The following CDH20 variants were observed in gnomAD, a reference collection of about 807,000 sequenced individuals.
The protein encoded by CDH20 is cadherin 20.
Under a neutral mutation model 74.2 loss-of-function variants are expected in CDH20, and 29 were observed. That is an observed-to-expected ratio of 0.39 (90% CI 0.29 to 0.53). The LOEUF (loss-of-function observed/expected upper bound fraction) is 0.53. Among genes scored for constraint, CDH20 ranks in the 20% least tolerant of loss-of-function variants. The pLI is 0.69. For synonymous variants in CDH20, 469 were observed against 405.4 expected, an observed-to-expected ratio of 1.16 and a Z score of -1.88; for missense variants, 988 against 1,048.3, an observed-to-expected ratio of 0.94 and a Z score of 0.79.
intron 1 of CDH20, among the ~76,000 whole-genome samples, chr18:61,359,301 C>T (rs564693625): frequency 9.2e-5 from 14 of 151,424 alleles, no homozygotes; most frequent in Non-Finnish European, 7.4e-5. Context: ...ATGCTTAAAT[C>T]TTCTAAAGAT....
chr18:61,453,473 G>T (rs1909466063), intron 1 of CDH20, among the ~76,000 whole-genome samples: 1 of 152,078 alleles, frequency 6.6e-6, no homozygotes, highest in Non-Finnish European at 1.5e-5. Context: ...TAGAGATGGG[G>T]TTTCACCATG....
chr18:61,375,780 T>C (rs1055081697), intron 1 of CDH20, among the ~76,000 whole-genome samples: 6 of 152,088 alleles, frequency 3.9e-5, no homozygotes, highest in African/African-American at 1.4e-4. Flanking sequence ...CTTAAATTTT[T>C]TTTCTCACTT....
intron 1 of CDH20, among the ~76,000 whole-genome samples, chr18:61,372,269 T>C (rs1911069199): frequency 1.3e-5 from 2 of 152,124 alleles, no homozygotes; most frequent in African/African-American, 4.8e-5. Context: ...TTTCATTTTG[T>C]CCTAAATTTC....
Position 61,548,705 on chromosome 18 carries a change from G to A in CDH20, c.1649-1273G>A, listed in dbSNP as rs114892408. The stretch of plus-strand genomic sequence containing the variant: ...TGAGCTCAGCGTCCCAGGCCGCCCC[G>A]CTCTGCATCTCACACCCTGTGGTTC... On this transcript the variant is annotated intron_variant, in intron 10 of 11. Coordinates refer to ENST00000262717, the MANE Select transcript of CDH20 (RefSeq NM_031891.4). Among the ~76,000 whole-genome samples the A allele has an allele frequency of 1.0e-2, 1,519 of 152,234 alleles. 31 individuals are homozygous for A. Among genetic ancestry groups the A allele is most frequent in the African/African-American group, 0.034 (1,432 of 41,554 alleles).
chr18:61,402,454 G>C (rs1372751778), intron 1 of CDH20, among the ~76,000 whole-genome samples: 2 of 152,120 alleles, frequency 1.3e-5, no homozygotes, highest in Non-Finnish European at 2.9e-5. Context: ...AAAGGAAATT[G>C]ACTAGCAAAA....
intron 1 of CDH20, among the ~76,000 whole-genome samples, chr18:61,484,150 AT>A (rs575178221): frequency 1.1e-3 from 175 of 152,370 alleles, no homozygotes; most frequent in African/African-American, 4.1e-3. Context: ...TGTTAGCCAC[AT>A]AATTTCATTT....
chr18:61,396,333 G>A (rs557426974), intron 1 of CDH20, among the ~76,000 whole-genome samples: 1 of 152,186 alleles, frequency 6.6e-6, no homozygotes, highest in South Asian at 2.1e-4. Context: ...TATTCTTTTG[G>A]AAATCAATAA....
chr18:61,369,725 T>A (rs555644083), intron 1 of CDH20, among the ~76,000 whole-genome samples: 1 of 152,232 alleles, frequency 6.6e-6, no homozygotes, highest in South Asian at 2.1e-4. Context: ...CATGAAATAC[T>A]ATGCCATAAA....
intron 2 of CDH20, among the ~76,000 whole-genome samples, chr18:61,496,802 A>G (rs115618030): frequency 0.017 from 2,558 of 152,226 alleles, 78 homozygotes; most frequent in African/African-American, 0.058. Flanking sequence ...CCTAAATTAA[A>G]CCAATTTCAT....
chr18:61,392,414 T>G (rs1016463953), intron 1 of CDH20, among the ~76,000 whole-genome samples: 1 of 152,200 alleles, frequency 6.6e-6, no homozygotes, highest in African/African-American at 2.4e-5. Flanking sequence ...ACAGGCTGGC[T>G]GTAAAGGACT....
At chr18:61,552,002 G>C (rs141811669) in intron 11 of CDH20, among the ~76,000 whole-genome samples, 16 of 152,232 alleles carry the variant, frequency 1.1e-4, no homozygotes, top group African/African-American at 3.6e-4. Context: ...CAGTTTTCAG[G>C]AGCTAAATTG....
At chr18:61,467,016 G>A (rs531687340) in intron 1 of CDH20, among the ~76,000 whole-genome samples, 1 of 152,248 alleles carries the variant, frequency 6.6e-6, no homozygotes, top group South Asian at 2.1e-4. Context: ...TTCAGCCTGG[G>A]GGATGGGCAA....
In CDH20 at chr18:61,490,755, G is replaced by A. The variant is rs111567406; in HGVS notation, c.202G>A (p.Val68Ile). 7.4e-6 allele frequency: 12 copies of A among 1,614,092 alleles called. No homozygotes were observed. Among genetic ancestry groups the A allele is most frequent in the Middle Eastern group, 1.6e-4 (1 of 6,062 alleles). Residue 68 changes from valine to isoleucine, a missense_variant, in exon 2 of 12, where the codon GTT (valine) becomes ATT (isoleucine). This residue lies in a region of CDH20 where 613 missense variants were observed against 755.2 expected (regional missense o/e 0.81). Coordinates refer to ENST00000262717, the MANE Select transcript of CDH20 (RefSeq NM_031891.4). ...GAGCTGGGTTTGGAACCAGTTTTTC[G>A]TTCTGGAAGAGTACACTGGGACCGA... ...KRSWVWNQFF[V>I]LEEYTGTDPL...
chr18:61,498,424 G>T (rs1398033633), intron 2 of CDH20, among the ~76,000 whole-genome samples: 1 of 141,948 alleles, frequency 7.0e-6, no homozygotes, highest in East Asian at 2.0e-4. Flanking sequence ...AAAAAAAAAA[G>T]GATTCTGAGA....
chr18:61,551,352 G>A (rs2144413639), intron 11 of CDH20, among the ~76,000 whole-genome samples: 1 of 152,244 alleles, frequency 6.6e-6, no homozygotes, highest in Non-Finnish European at 1.5e-5. Context: ...GAGGGAAAAA[G>A]CCCTGAGGAT....
At chr18:61,360,221 G>GTAGGT (rs1278222040) in intron 1 of CDH20, among the ~76,000 whole-genome samples, 1 of 152,196 alleles carries the variant, frequency 6.6e-6, no homozygotes, top group Non-Finnish European at 1.5e-5. Flanking sequence ...TAGATGATCT[G>GTAGGT]TAGGTTACCC....
intron 1 of CDH20, among the ~76,000 whole-genome samples, chr18:61,410,834 G>A (rs1912470139): frequency 6.6e-6 from 1 of 152,174 alleles, no homozygotes; most frequent in African/African-American, 2.4e-5. Context: ...AAAGGAGATG[G>A]CCTTTCTCAG....
intron 1 of CDH20, among the ~76,000 whole-genome samples, chr18:61,341,383 A>C (rs1373914571): frequency 1.3e-5 from 2 of 151,632 alleles, no homozygotes; most frequent in African/African-American, 4.9e-5. Flanking sequence ...TTCATTCATA[A>C]GGGCTGTATC....
At chr18:61,415,910 T>C (rs1438386536) in intron 1 of CDH20, among the ~76,000 whole-genome samples, 1 of 152,172 alleles carries the variant, frequency 6.6e-6, no homozygotes, top group East Asian at 1.9e-4. Context: ...ATATTATTCT[T>C]CAGCCTCAAA....
Sources: allele counts gnomAD v4.1 joint callset (sites outside exome capture counted in the v4.1 genomes callset), GRCh38; gene constraint gnomAD v4.1.1; regional missense constraint gnomAD v4.1.1; transcripts MANE v1.5; gene names NCBI Gene and HGNC (gene_info 2026-07-23, HGNC 2026-07-21).